RNF185: variants seen among roughly 807,000 people sequenced by gnomAD.
RNF185 encodes the protein ring finger protein 185.
A neutral mutation model predicts 24.9 loss-of-function variants in RNF185; 13 were observed. The ratio of observed to expected loss-of-function variants is 0.52; its 90% CI spans 0.34 to 0.83. RNF185 has a LOEUF of 0.83. Among genes scored for constraint, RNF185 ranks in the 40% least tolerant of loss-of-function variants. RNF185 has a pLI of 0.01. For synonymous variants in RNF185, 79 were observed against 90.3 expected, an observed-to-expected ratio of 0.88 and a Z score of 0.71; for missense variants, 184 against 244.7, an observed-to-expected ratio of 0.75 and a Z score of 1.65.
At chr22:31,181,890 G>A (rs2048040488) in intron 1 of RNF185, among the ~76,000 whole-genome samples, 1 of 151,378 alleles carries the variant, frequency 6.6e-6, no homozygotes, top group Admixed American at 6.6e-5. Flanking sequence ...GCATTAGGAG[G>A]TATACCTAAT....
At chr22:31,161,168 G>A (rs930902740) in intron 1 of RNF185, among the ~76,000 whole-genome samples, 3 of 152,194 alleles carry the variant, frequency 2.0e-5, no homozygotes, top group Non-Finnish European at 4.4e-5. Context: ...TCTACAGGAA[G>A]GCAAGATTTT....
At chr22:31,177,698 A>G (rs957465947) in intron 1 of RNF185, among the ~76,000 whole-genome samples, 1 of 152,236 alleles carries the variant, frequency 6.6e-6, no homozygotes, top group Non-Finnish European at 1.5e-5. Context: ...ATGTGCTCAC[A>G]GAAATGAGAC....
intron 2 of RNF185, among the ~76,000 whole-genome samples, chr22:31,192,143 G>A (rs953139889): frequency 6.6e-6 from 1 of 152,126 alleles, no homozygotes; most frequent in Admixed American, 6.6e-5. Flanking sequence ...TGCTAGGAGA[G>A]TTCTCAAGGA....
At chr22:31,182,066 A>AC (rs1382587051) in intron 1 of RNF185, among the ~76,000 whole-genome samples, 2 of 151,030 alleles carry the variant, frequency 1.3e-5, no homozygotes, top group African/African-American at 2.4e-5. Context: ...TAAAAAAAAA[A>AC]ACACAATATC....
At chr22:31,201,820 A>G (rs1393984052) in intron 6 of RNF185, among the ~76,000 whole-genome samples, 2 of 152,210 alleles carry the variant, frequency 1.3e-5, no homozygotes, top group African/African-American at 2.4e-5. Context: ...ATGCATATAT[A>G]TAGCACTTTC....
At chr22:31,189,276 A>ATGT (rs1444050237) in intron 2 of RNF185, among the ~76,000 whole-genome samples, 1 of 105,830 alleles carries the variant, frequency 9.4e-6, no homozygotes, top group African/African-American at 4.2e-5. Flanking sequence ...CAGCTGTTGT[A>ATGT]TATCTTTTTT....
intron 2 of RNF185, among the ~76,000 whole-genome samples, chr22:31,190,486 C>T (rs191544830): frequency 7.4e-4 from 112 of 152,008 alleles, no homozygotes; most frequent in Non-Finnish European, 1.2e-3. Flanking sequence ...GGGGTTTTAC[C>T]ATGTTGGCCA....
intron 1 of RNF185, among the ~76,000 whole-genome samples, chr22:31,169,690 G>A (rs548612111): frequency 1.3e-5 from 2 of 152,236 alleles, no homozygotes; most frequent in East Asian, 3.9e-4. Context: ...GGGACCACAG[G>A]CATGCGCCAC....
At chr22:31,163,162 A>G (rs572546574) in intron 1 of RNF185, among the ~76,000 whole-genome samples, 6 of 152,290 alleles carry the variant, frequency 3.9e-5, no homozygotes, top group Non-Finnish European at 8.8e-5. Flanking sequence ...TTTCAGTCAC[A>G]CCCATTTATT....
At chr22:31,191,827 C>CAAAA (rs71784545) in intron 2 of RNF185, among the ~76,000 whole-genome samples, 5 of 64,344 alleles carry the variant, frequency 7.8e-5, no homozygotes, top group South Asian at 5.1e-4. Flanking sequence ...AACTTCGTCT[C>CAAAA]AAAAAAAAAA....
intron 3 of RNF185, among the ~76,000 whole-genome samples, chr22:31,194,343 T>C (rs1349253947): frequency 1.3e-5 from 2 of 152,164 alleles, no homozygotes; most frequent in African/African-American, 4.8e-5. Context: ...GAGCAAAACC[T>C]ATCCTTTAGC....
At chr22:31,189,135 A>ATGTG (rs202051750) in intron 2 of RNF185, among the ~76,000 whole-genome samples, 73 of 136,908 alleles carry the variant, frequency 5.3e-4, no homozygotes, top group Middle Eastern at 3.7e-3. Context: ...CAAAAAAAAA[A>ATGTG]TGTGTGTGTG....
intron 1 of RNF185, among the ~76,000 whole-genome samples, chr22:31,169,759 G>A (rs1020271539): frequency 6.6e-6 from 1 of 152,102 alleles, no homozygotes; most frequent in South Asian, 2.1e-4. Context: ...TGTTACCCAG[G>A]CTGGTCTCAA....
At chr22:31,192,191 ACTAC>A (rs1364460830) in intron 2 of RNF185, among the ~76,000 whole-genome samples, 1 of 152,212 alleles carries the variant, frequency 6.6e-6, no homozygotes, top group Non-Finnish European at 1.5e-5. Flanking sequence ...CTGGATCTGG[ACTAC>A]CTGAGAGTCC....
rs187280584 is a variant in RNF185 at position 31,194,562 on chromosome 22, T to C, written c.196-907T>C. Among the ~76,000 whole-genome samples the C allele has an allele frequency of 3.1e-3, 469 of 152,108 alleles. 2 individuals carry two copies. The highest frequency in any genetic ancestry group is 9.1e-3 in the East Asian group (47 of 5,144). ...GGCCAACATGGTGAAACCCTGTCTC[T>C]ACTAAAAATACAAAAATTAGCTGGG... On this transcript the variant is annotated intron_variant, in intron 3 of 6. Coordinates refer to ENST00000326132, the MANE Select transcript of RNF185 (RefSeq NM_152267.4).
intron 1 of RNF185, among the ~76,000 whole-genome samples, chr22:31,163,359 G>A (rs997205303): frequency 1.3e-5 from 2 of 151,132 alleles, no homozygotes; most frequent in African/African-American, 4.9e-5. Context: ...ACAGTGACTC[G>A]CTCTGTTGCC....
chr22:31,186,614 A>G (rs116539626), intron 1 of RNF185, among the ~76,000 whole-genome samples: 1,560 of 152,238 alleles, frequency 0.01, 18 homozygotes, highest in African/African-American at 0.029. Context: ...AAAAATATAT[A>G]TATATGTTCT....
intron 1 of RNF185, among the ~76,000 whole-genome samples, chr22:31,168,169 A>G (rs968386308): frequency 2.6e-5 from 4 of 152,174 alleles, no homozygotes. Context: ...TAAGTACGTC[A>G]TATAAGTAGA....
intron 1 of RNF185, among the ~76,000 whole-genome samples, chr22:31,164,744 G>A (rs554907541): frequency 1.3e-4 from 20 of 151,744 alleles, no homozygotes; most frequent in Admixed American, 1.3e-3. Flanking sequence ...GTGCCACCAT[G>A]CCCAGCTGTT....
Sources: gnomAD v4.1 joint callset for allele counts (sites outside exome capture counted in the v4.1 genomes callset) on GRCh38, gnomAD v4.1.1 for gene constraint, MANE v1.5 for transcripts, NCBI Gene and HGNC (gene_info 2026-07-23, HGNC 2026-07-21) for gene names.